Variants in GRM5 observed in about 807,000 individuals in gnomAD.
GRM5 encodes glutamate metabotropic receptor 5.
In GRM5, 19 loss-of-function variants were observed where a neutral mutation model predicts 83.1. The observed-to-expected ratio is 0.23, with a 90% confidence interval of 0.16 to 0.34. The LOEUF is 0.34. Ranked by LOEUF, GRM5 falls within the 10% of genes least tolerant of loss-of-function variation. The pLI is 1.00. For synonymous variants in GRM5, 675 were observed against 633.6 expected (o/e 1.07, Z -0.98); for missense variants, 1,160 against 1,588.3 (o/e 0.73, Z 4.58).
chr11:88,974,440 C>T (rs1486737081), intron 2 of GRM5, among the ~76,000 whole-genome samples: 3 of 148,390 alleles, frequency 2.0e-5, no homozygotes, highest in Non-Finnish European at 4.5e-5. Flanking sequence ...ATTTAGAGAG[C>T]CTAGCACAAT....
At chr11:88,578,119 T>C (rs886232716) in intron 7 of GRM5, among the ~76,000 whole-genome samples, 43 of 152,104 alleles carry the variant, frequency 2.8e-4, no homozygotes, top group African/African-American at 9.9e-4. Context: ...TGTTTAGGTA[T>C]GTGTTGCCCC....
chr11:88,634,540 A>T (rs1939067220), intron 4 of GRM5, among the ~76,000 whole-genome samples: 1 of 152,158 alleles, frequency 6.6e-6, no homozygotes, highest in Non-Finnish European at 1.5e-5. Context: ...GGTGAGGATC[A>T]TCAATATCAC....
chr11:88,879,116 G>A (rs917574555), intron 2 of GRM5, among the ~76,000 whole-genome samples: 1 of 151,972 alleles, frequency 6.6e-6, no homozygotes, highest in African/African-American at 2.4e-5. Flanking sequence ...TATGGAAATT[G>A]TAAATAAAAT....
At chr11:88,551,752 A>T (rs978615614) in intron 8 of GRM5, among the ~76,000 whole-genome samples, 7 of 152,104 alleles carry the variant, frequency 4.6e-5, no homozygotes, top group Non-Finnish European at 8.8e-5. Context: ...CTTTTCTTAC[A>T]GGGTTATTGT....
At chr11:88,726,613 G>A (rs982467045) in intron 3 of GRM5, among the ~76,000 whole-genome samples, 10 of 152,128 alleles carry the variant, frequency 6.6e-5, no homozygotes, top group Non-Finnish European at 1.0e-4. Context: ...TTGAAATGAA[G>A]GAATAAATGT....
At chr11:88,758,476 C>T (rs950804845) in intron 3 of GRM5, among the ~76,000 whole-genome samples, 16 of 152,070 alleles carry the variant, frequency 1.1e-4, no homozygotes, top group Non-Finnish European at 1.9e-4. Flanking sequence ...ATAGACCATA[C>T]TGAAGAAAGA....
chr11:88,703,781 G>T (rs1399280057), intron 3 of GRM5, among the ~76,000 whole-genome samples: 2 of 152,022 alleles, frequency 1.3e-5, no homozygotes, highest in Admixed American at 6.6e-5. Context: ...TACAATAAAT[G>T]CAGTACGACA....
intron 2 of GRM5, among the ~76,000 whole-genome samples, chr11:88,888,908 C>T (rs1384286840): frequency 6.6e-6 from 1 of 152,128 alleles, no homozygotes; most frequent in Non-Finnish European, 1.5e-5. Context: ...TGGCTAAAGG[C>T]CTCCATCTTG....
intron 2 of GRM5, among the ~76,000 whole-genome samples, chr11:89,034,645 T>C (rs1941341399): frequency 6.6e-6 from 1 of 151,864 alleles, no homozygotes; most frequent in Non-Finnish European, 1.5e-5. Context: ...AATAAAATAA[T>C]TTATTTGTGG....
At chr11:88,752,299 T>C (rs1039606305) in intron 3 of GRM5, among the ~76,000 whole-genome samples, 1 of 152,126 alleles carries the variant, frequency 6.6e-6, no homozygotes, top group African/African-American at 2.4e-5. Flanking sequence ...AGCATTCATA[T>C]ATACCAACAA....
intron 6 of GRM5, among the ~76,000 whole-genome samples, chr11:88,593,715 T>C (rs1937710390): frequency 6.7e-6 from 1 of 150,218 alleles, no homozygotes; most frequent in Non-Finnish European, 1.5e-5. Context: ...GGAAGTTACA[T>C]TTTCCCTTTC....
At chr11:88,790,250 C>A (rs1359385494) in intron 3 of GRM5, among the ~76,000 whole-genome samples, 1 of 152,182 alleles carries the variant, frequency 6.6e-6, no homozygotes, top group African/African-American at 2.4e-5. Flanking sequence ...CCCATTAATT[C>A]ATTCATAATG....
At chr11:88,625,524 T>G (rs16914342) in intron 4 of GRM5, among the ~76,000 whole-genome samples, 4,169 of 152,178 alleles carry the variant, frequency 0.027, 154 homozygotes, top group African/African-American at 0.083. Flanking sequence ...TAAAAATTAT[T>G]AAGCACTAGC....
intron 2 of GRM5, among the ~76,000 whole-genome samples, chr11:88,853,950 CT>C (rs1300146189): frequency 2.6e-5 from 4 of 151,374 alleles, no homozygotes; most frequent in African/African-American, 7.3e-5. Context: ...ACCCCTACCC[CT>C]GGCTACCTTT....
At chr11:88,829,779 A>T (rs568101681) in intron 3 of GRM5, among the ~76,000 whole-genome samples, 1 of 152,312 alleles carries the variant, frequency 6.6e-6, no homozygotes, top group South Asian at 2.1e-4. Context: ...CAGTTTTCAG[A>T]GAAATTTTTT....
At chr11:88,799,731 T>A (rs1590866320) in intron 3 of GRM5, among the ~76,000 whole-genome samples, 2 of 152,268 alleles carry the variant, frequency 1.3e-5, no homozygotes, top group East Asian at 3.9e-4. Flanking sequence ...ATTTTGTGTA[T>A]CCATGGTCAC....
At chr11:89,029,505 G>A (rs1422885510) in intron 2 of GRM5, among the ~76,000 whole-genome samples, 1 of 152,100 alleles carries the variant, frequency 6.6e-6, no homozygotes, top group Non-Finnish European at 1.5e-5. Flanking sequence ...CATACATATA[G>A]CATATATTTC....
rs1590884112 is a variant in GRM5, at chr11:88,820,689, T to C, written c.911+29217A>G. On this transcript the variant is annotated intron_variant, in intron 3 of 9. Transcript: ENST00000305447. ...GATGAAAATTAAAGGAAATAATGTATACAAAATATTTCGTAAATGTCTAAC... is the reference window on the plus strand; with the variant it reads ...GATGAAAATTAAAGGAAATAATGTACACAAAATATTTCGTAAATGTCTAAC... Among the ~76,000 whole-genome samples, 5 of 152,344 alleles carry C rather than the reference T, an allele frequency of 3.3e-5. No individual in the cohort carries two copies. In the South Asian group the frequency reaches 8.3e-4, roughly 25 times the overall value.
At chr11:88,583,463 C>A (rs113645602) in intron 7 of GRM5, among the ~76,000 whole-genome samples, 2 of 152,308 alleles carry the variant, frequency 1.3e-5, no homozygotes, top group East Asian at 3.9e-4. Flanking sequence ...TTTGGACTTA[C>A]GTAAGATACA....
Sources: allele counts gnomAD v4.1 joint callset (sites outside exome capture counted in the v4.1 genomes callset), GRCh38; gene constraint gnomAD v4.1.1; transcripts MANE v1.5; gene names NCBI Gene and HGNC (gene_info 2026-07-23, HGNC 2026-07-21).